NTRK3: variants seen among roughly 807,000 people sequenced by gnomAD.
NTRK3 encodes the protein NT-3 growth factor receptor.
A neutral mutation model predicts 91.7 loss-of-function variants in NTRK3; 24 were observed. That is an observed-to-expected ratio of 0.26 (90% CI 0.19 to 0.37). The LOEUF is 0.37. Ranked by LOEUF, NTRK3 falls within the 10% of genes least tolerant of loss-of-function variation. The pLI is 1.00. For synonymous variants in NTRK3, 483 were observed against 404.0 expected, an observed-to-expected ratio of 1.20 and a Z score of -2.34; for missense variants, 880 against 1,068.9, an observed-to-expected ratio of 0.82 and a Z score of 2.46.
exon 19 of NTRK3, chr15:87,865,708 T>C (rs1385941366): frequency 4.5e-6 from 1 of 222,996 alleles, no homozygotes; most frequent in African/African-American, 2.2e-5. Context: ...CAAGAGTTGA[T>C]GGCAAGGAAT....
chr15:87,996,533 T>C (rs2075719056), intron 14 of NTRK3, among the ~76,000 whole-genome samples: 3 of 152,148 alleles, frequency 2.0e-5, no homozygotes, highest in South Asian at 2.1e-4. Flanking sequence ...GGTTCTCCAG[T>C]GTGATTATGA....
Position 88,234,040 on chromosome 15 carries a change from C to T in NTRK3, c.248+21866G>A, listed in dbSNP as rs990878278. ...GCTGGAGTCCCTTTCTGCCACCATGCACCTCGATGCCTCTCGGGTGGGACC... is the reference window on the plus strand; with the variant it reads ...GCTGGAGTCCCTTTCTGCCACCATGTACCTCGATGCCTCTCGGGTGGGACC... On this transcript the variant is annotated intron_variant, in intron 3 of 18. Coordinates refer to ENST00000394480, the Ensembl canonical transcript of NTRK3. This position sits in a 1 kb window ranked among gnomAD's most constrained non-coding sequence, Gnocchi z 6.1. Among the ~76,000 whole-genome samples the T allele has an allele frequency of 6.6e-6, 1 of 152,164 alleles. No homozygotes were observed. The highest frequency in any genetic ancestry group is 1.5e-5 in the Non-Finnish European group (1 of 68,034).
intron 13 of NTRK3, among the ~76,000 whole-genome samples, chr15:88,096,761 C>T (rs1203497999): frequency 6.6e-6 from 1 of 152,172 alleles, no homozygotes; most frequent in Non-Finnish European, 1.5e-5. Flanking sequence ...GTTTCTCAGA[C>T]GGTCCCCAGC....
chr15:88,124,118 C>T (rs1339896068), intron 13 of NTRK3, among the ~76,000 whole-genome samples: 3 of 152,172 alleles, frequency 2.0e-5, no homozygotes, highest in African/African-American at 7.2e-5. Flanking sequence ...CATAATCTGG[C>T]TTCATAAAGA....
Position 88,077,629 on chromosome 15 carries a change from A to T in NTRK3, c.1397-44584T>A, listed in dbSNP as rs7179064. Among the ~76,000 whole-genome samples the T allele has an allele frequency of 9.3e-3, 1,416 of 152,276 alleles. 29 individuals are homozygous for T. The highest frequency in any genetic ancestry group is 0.032 in the African/African-American group (1,348 of 41,538). ...CAGGCAGGGGAACAACGACGACGTT[A>T]TATCTCCTAGCCTGCTGAACACAGT... On this transcript the variant is annotated intron_variant, in intron 13 of 18. Transcript: ENST00000394480.
In NTRK3 at chr15:88,243,751, G is replaced by A. The variant is rs887100576; in HGVS notation, c.248+12155C>T. 2.0e-5 allele frequency among the ~76,000 whole-genome samples: 3 copies of A among 152,114 alleles called. No homozygotes were observed. The highest frequency in any genetic ancestry group is 4.4e-5 in the Non-Finnish European group (3 of 68,044). ...GTATGAAAGCATGTCAAAAAGAGTGGTGCCCCAGGAAAACACCAGAAAGGC... is the reference window on the plus strand; with the variant it reads ...GTATGAAAGCATGTCAAAAAGAGTGATGCCCCAGGAAAACACCAGAAAGGC... On this transcript the variant is annotated intron_variant, in intron 3 of 18. Transcript: ENST00000394480. This position sits in a 1 kb window ranked among gnomAD's most constrained non-coding sequence, Gnocchi z 4.8.
chr15:88,029,519 T>TG (rs902857072), intron 14 of NTRK3, among the ~76,000 whole-genome samples: 1 of 152,162 alleles, frequency 6.6e-6, no homozygotes, highest in African/African-American at 2.4e-5. Context: ...AATCCATCAC[T>TG]GGGGGGATGG....
chr15:88,032,834 G>A (rs778370914), intron 14 of NTRK3, 23 bp downstream of exon 14: 19 of 1,612,964 alleles, frequency 1.2e-5, no homozygotes, highest in African/African-American at 2.7e-5. Context: ...CCAGGAGGGA[G>A]AGCATTCCAT....
exon 19 of NTRK3, chr15:87,862,456 G>A: frequency 4.4e-6 from 1 of 228,210 alleles, no homozygotes; most frequent in Non-Finnish European, 8.7e-6. Context: ...GCCTTGGATG[G>A]TACAGAGGCA....
Position 88,181,192 on chromosome 15 carries a change from C to T in NTRK3, c.395+2226G>A, listed in dbSNP as rs1212929567. Among the ~76,000 whole-genome samples the T allele has an allele frequency of 2.6e-5, 4 of 152,118 alleles. No individual in the cohort carries two copies. In the East Asian group the frequency reaches 7.7e-4, roughly 29 times the overall value. On this transcript the variant is annotated intron_variant, in intron 5 of 18. Transcript: ENST00000394480. ...CTTTGGCAAGAGCTGGCCAATGTGTCCAGGAGAAAACAGGGCCCAAAGTCA... is the reference window on the plus strand; with the variant it reads ...CTTTGGCAAGAGCTGGCCAATGTGTTCAGGAGAAAACAGGGCCCAAAGTCA...
intron 14 of NTRK3, among the ~76,000 whole-genome samples, chr15:88,012,222 G>A (rs986407385): frequency 3.9e-5 from 6 of 152,222 alleles, no homozygotes; most frequent in Non-Finnish European, 5.9e-5. Context: ...GATCCTCGAC[G>A]AACTGTGATA....
At chr15:88,115,895 G>A (rs986969273) in intron 13 of NTRK3, among the ~76,000 whole-genome samples, 4 of 152,078 alleles carry the variant, frequency 2.6e-5, no homozygotes, top group South Asian at 2.1e-4. Context: ...GAGCCACTCC[G>A]GGGCCTGCCA....
intron 14 of NTRK3, among the ~76,000 whole-genome samples, chr15:87,941,433 G>A (rs573688615): frequency 7.2e-5 from 11 of 151,756 alleles, no homozygotes; most frequent in South Asian, 2.1e-4. Flanking sequence ...AAGTAAAGAC[G>A]TAGAAGACAA....
chr15:88,112,346 C>A (rs1398190836), intron 13 of NTRK3, among the ~76,000 whole-genome samples: 1 of 152,218 alleles, frequency 6.6e-6, no homozygotes, highest in Non-Finnish European at 1.5e-5. Flanking sequence ...ATAACAGTTA[C>A]CTCACAGGGG....
At chr15:88,172,089 A>G (rs1376807004) in intron 5 of NTRK3, among the ~76,000 whole-genome samples, 1 of 152,260 alleles carries the variant, frequency 6.6e-6, no homozygotes, top group African/African-American at 2.4e-5. Flanking sequence ...TAAACCCAGA[A>G]CAATCGCAGT....
intron 17 of NTRK3, among the ~76,000 whole-genome samples, chr15:87,901,114 G>A (rs2066432256): frequency 6.6e-6 from 1 of 152,210 alleles, no homozygotes; most frequent in Non-Finnish European, 1.5e-5. Flanking sequence ...CAGCATCTGG[G>A]ATTCCAGGCC....
chr15:87,909,820 A>G (rs142113571), intron 17 of NTRK3, among the ~76,000 whole-genome samples: 1 of 152,210 alleles, frequency 6.6e-6, no homozygotes, highest in African/African-American at 2.4e-5. Flanking sequence ...ACGGATGACC[A>G]TGTGGGGACA....
chr15:88,136,325 C>A, intron 8 of NTRK3, 142 bp downstream of exon 8: 1 of 1,148,706 alleles, frequency 8.7e-7, no homozygotes. Flanking sequence ...AGCGAAATGG[C>A]TAGAAAATAT....
At chr15:87,893,836 G>T (rs1045498898) in intron 17 of NTRK3, among the ~76,000 whole-genome samples, 1 of 152,100 alleles carries the variant, frequency 6.6e-6, no homozygotes, top group African/African-American at 2.4e-5. Flanking sequence ...GATTCACAGG[G>T]CATAATATTT....
Sources: allele counts gnomAD v4.1 joint callset (sites outside exome capture counted in the v4.1 genomes callset), GRCh38; gene constraint gnomAD v4.1.1; non-coding constraint Gnocchi (gnomAD v3.1); transcripts MANE v1.5; gene names NCBI Gene and HGNC (gene_info 2026-07-23, HGNC 2026-07-21).